The following ABCA10 variants were observed in gnomAD, a reference collection of about 807,000 sequenced individuals.
ABCA10 encodes the protein ATP-binding cassette sub-family A member 10.
A neutral mutation model predicts 187.5 loss-of-function variants in ABCA10; 169 were observed. The ratio of observed to expected loss-of-function variants is 0.90; its 90% CI spans 0.80 to 1.02. The LOEUF is 1.02. ABCA10 is among the 50% of genes least tolerant of loss of function. The probability of loss-of-function intolerance (pLI) is 0.00; values close to 1 mark genes in which losing one functional copy is unlikely to be tolerated. For synonymous variants in ABCA10, 574 were observed against 601.8 expected, an observed-to-expected ratio of 0.95 and a Z score of 0.68; for missense variants, 1,727 against 1,812.4, an observed-to-expected ratio of 0.95 and a Z score of 0.86.
rs778553151 is a variant in ABCA10, at chr17:69,174,766, T to G, written c.2889A>C (p.Gln963His). ...AGAGGCCTGAAATCCATAACTGGGA[T>G]TGAACATTTTTCTGACAAAGAATAG... Reference protein sequence around the residue: ...SSISDYKKNVQSQLWISGLWP... With the variant: ...SSISDYKKNVHSQLWISGLWP... The change falls in exon 24 of 39, where the codon CAA (glutamine) becomes CAC (histidine). Residue 963 changes from glutamine to histidine, a missense_variant. By Grantham distance (24) the Gln-to-His change is conservative. Transcript: ENST00000690296. 1 of 1,578,266 alleles carries G rather than the reference T, an allele frequency of 6.3e-7. No individual in the cohort carries two copies. Among genetic ancestry groups the G allele is most frequent in the Non-Finnish European group, 8.6e-7 (1 of 1,167,792 alleles).
chr17:69,194,734 C>T (rs1442920613), intron 11 of ABCA10, among the ~76,000 whole-genome samples: 1 of 152,068 alleles, frequency 6.6e-6, no homozygotes, highest in South Asian at 2.1e-4. Flanking sequence ...CCTTCAAATC[C>T]TTTGAATGTC....
At chr17:69,178,965 T>C (rs1309431566) in intron 22 of ABCA10, 1 of 152,156 alleles carries the variant, frequency 6.6e-6, no homozygotes, top group Non-Finnish European at 1.5e-5. Context: ...AATTGCTTCC[T>C]TGACAAGCCT....
In ABCA10 at chr17:69,153,817, A is replaced by G. The variant is rs767822848; in HGVS notation, c.3965+14T>C. On this transcript the variant is annotated intron_variant, in intron 32 of 38. Transcript: ENST00000690296. ...CCTTCCTCCTGCTACAAATTGTGAG[A>G]CTTCTCTCTGTACCGTGAAATACTG... The G allele has an allele frequency of 1.3e-6, 2 of 1,591,652 alleles. No homozygotes were observed. The highest frequency in any genetic ancestry group is 8.5e-7 in the Non-Finnish European group (1 of 1,169,598).
At position 69,151,087 on chromosome 17, in the gene ABCA10, C is replaced by A. The variant is rs1352902289; in HGVS notation, c.4397+956G>T. On this transcript the variant is annotated intron_variant, in intron 36 of 38. Coordinates refer to ENST00000690296, the MANE Select transcript of ABCA10 (RefSeq NM_001377321.1). ...TGTTGCCAGACCAGATCTCAATGACCTCTTCCTTCTCTTGTGAGCCACAGG... is the reference window on the plus strand; with the variant it reads ...TGTTGCCAGACCAGATCTCAATGACATCTTCCTTCTCTTGTGAGCCACAGG... Among the ~76,000 whole-genome samples, 4 of 152,306 alleles carry A rather than the reference C, an allele frequency of 2.6e-5. No homozygotes were observed. The East Asian group carries it at 7.7e-4, about 29-fold the overall frequency.
rs184109195 is a variant in ABCA10, at chr17:69,158,111, A to G, written c.3364-1188T>C. On this transcript the variant is annotated intron_variant, in intron 27 of 38. Coordinates refer to ENST00000690296, the MANE Select transcript of ABCA10 (RefSeq NM_001377321.1). ...GGAATTGAGGGATTTAGTAAGATAA[A>G]TAGTTTATATTTTTAAAAGTTACTA... Among the ~76,000 whole-genome samples, 977 of 152,082 alleles carry G rather than the reference A, an allele frequency of 6.4e-3. 1 individual carries two copies. Among genetic ancestry groups the G allele is most frequent in the Middle Eastern group, 0.014 (4 of 294 alleles).
intron 25 of ABCA10, among the ~76,000 whole-genome samples, chr17:69,171,291 A>G (rs1382525131): frequency 6.6e-6 from 1 of 152,242 alleles, no homozygotes; most frequent in Non-Finnish European, 1.5e-5. Context: ...AAAGATTAGG[A>G]GAAATAACTA....
At chr17:69,171,787 A>G (rs764990436) in intron 25 of ABCA10, among the ~76,000 whole-genome samples, 11 of 152,178 alleles carry the variant, frequency 7.2e-5, no homozygotes, top group Admixed American at 2.0e-4. Flanking sequence ...TCAAAGTGAT[A>G]AGAGAAAATG....
chr17:69,161,942 C>T (rs1489827570), intron 27 of ABCA10, among the ~76,000 whole-genome samples: 1 of 152,136 alleles, frequency 6.6e-6, no homozygotes, highest in African/African-American at 2.4e-5. Context: ...AAAATAAGTC[C>T]TATAGCAGCA....
chr17:69,180,520 A>G (rs2074371891), intron 22 of ABCA10, among the ~76,000 whole-genome samples: 1 of 152,166 alleles, frequency 6.6e-6, no homozygotes. Context: ...GGAAGACAAC[A>G]TCGATTCTAT....
chr17:69,222,567 T>G lies in ABCA10; in HGVS notation c.165A>C (p.Arg55Ser). The G allele has an allele frequency of 6.3e-7, 1 of 1,588,064 alleles. No homozygotes were observed. The highest frequency in any genetic ancestry group is 1.2e-5 in the South Asian group (1 of 85,426). Residue 55 changes from arginine to serine, a missense_variant, in exon 4 of 39, where the codon AGA (arginine) becomes AGC (serine). Coordinates refer to ENST00000690296, the MANE Select transcript of ABCA10 (RefSeq NM_001377321.1). ...SYRLKFNWGY[R>S]IPVIKEHSEY... Reference sequence around the variant, plus strand: ...CAGAGTGCTCCTTTATAACTGGGATTCTATATCCCCAATTAAACTTCAGGC... The same window carrying G: ...CAGAGTGCTCCTTTATAACTGGGATGCTATATCCCCAATTAAACTTCAGGC...
At chr17:69,220,646 C>T (rs2074741011) in intron 5 of ABCA10, among the ~76,000 whole-genome samples, 1 of 152,166 alleles carries the variant, frequency 6.6e-6, no homozygotes, top group Non-Finnish European at 1.5e-5. Context: ...CATTTTTGCG[C>T]ATACTAAGTT....
At chr17:69,238,126 C>A (rs1159092227) in intron 1 of ABCA10, among the ~76,000 whole-genome samples, 1 of 149,764 alleles carries the variant, frequency 6.7e-6, no homozygotes, top group Non-Finnish European at 1.5e-5. Flanking sequence ...CACGCCATTG[C>A]ACTCCAGCTT....
intron 10 of ABCA10, among the ~76,000 whole-genome samples, chr17:69,198,509 C>T (rs1382883640): frequency 2.0e-5 from 3 of 152,208 alleles, no homozygotes; most frequent in Admixed American, 6.5e-5. Flanking sequence ...TTGACAAGGA[C>T]TGCTTTGCTA....
Position 69,164,985 on chromosome 17 carries a change from C to T in ABCA10, c.3261G>A (p.Gly1087=), listed in dbSNP as rs960960957. ...TTACCTGGATCAATAACATGACATACCCCAGCAAAGTGAAGGAAGGTATGA... is the reference window on the plus strand; with the variant it reads ...TTACCTGGATCAATAACATGACATATCCCAGCAAAGTGAAGGAAGGTATGA... ...MIFIPSFTLL[G]YVMLLIQLDF... Residue 1087 remains glycine (G), a synonymous_variant, in exon 26 of 39, where the codon GGG becomes GGA. Transcript: ENST00000690296. 1 of 1,613,048 alleles carries T rather than the reference C, an allele frequency of 6.2e-7. No individual in the cohort carries two copies. The highest frequency in any genetic ancestry group is 8.5e-7 in the Non-Finnish European group (1 of 1,179,378).
intron 22 of ABCA10, among the ~76,000 whole-genome samples, chr17:69,178,225 G>T (rs547353055): frequency 2.8e-4 from 43 of 151,570 alleles, no homozygotes; most frequent in African/African-American, 9.9e-4. Flanking sequence ...AAACAAAAAG[G>T]GCATAATTTT....
intron 25 of ABCA10, among the ~76,000 whole-genome samples, chr17:69,171,710 A>G (rs1028283306): frequency 6.6e-6 from 1 of 152,224 alleles, no homozygotes; most frequent in Non-Finnish European, 1.5e-5. Context: ...AGCCTCTGCA[A>G]AGGATAGCAA....
chr17:69,223,719 TA>T (rs1454406825), intron 3 of ABCA10: 6 of 418,890 alleles, frequency 1.4e-5, no homozygotes, highest in African/African-American at 8.5e-5. Flanking sequence ...TCTAGGGGTA[TA>T]AAAAATACTG....
In ABCA10 at chr17:69,200,751, G is replaced by A. The variant is rs192020180; in HGVS notation, c.1175+749C>T. Among the ~76,000 whole-genome samples the A allele has an allele frequency of 5.0e-4, 76 of 152,226 alleles. 1 individual carries two copies. The East Asian group carries it at 0.012, about 25-fold the overall frequency. On this transcript the variant is annotated intron_variant, in intron 10 of 38. Coordinates refer to ENST00000690296, the MANE Select transcript of ABCA10 (RefSeq NM_001377321.1). ...TTCTGAGACAGGGTCTGGGTCTGTC[G>A]CCCAGGCTGGAGTGCAAGTGGCGCC...
chr17:69,235,799 A>T (rs992189096), intron 1 of ABCA10, among the ~76,000 whole-genome samples: 1 of 152,180 alleles, frequency 6.6e-6, no homozygotes, highest in African/African-American at 2.4e-5. Flanking sequence ...AAAAAAACAA[A>T]AACAAAACCT....
Sources: allele counts gnomAD v4.1 joint callset (sites outside exome capture counted in the v4.1 genomes callset), GRCh38; gene constraint gnomAD v4.1.1; transcripts MANE v1.5; gene names NCBI Gene and HGNC (gene_info 2026-07-23, HGNC 2026-07-21).